Variants in INSL6 observed in about 807,000 individuals in gnomAD.
INSL6 encodes insulin-like peptide INSL6.
In INSL6, 16 loss-of-function variants were observed where a neutral mutation model predicts 9.4. The ratio of observed to expected loss-of-function variants is 1.70; its 90% CI spans 1.15 to 2.59. The LOEUF is 2.59. INSL6 is among the 30% of genes most tolerant of loss of function. INSL6 has a pLI of 0.00. For missense variants in INSL6, 391 were observed against 257.3 expected, an observed-to-expected ratio of 1.52 and a Z score of -3.56; for synonymous variants, 154 against 96.9, an observed-to-expected ratio of 1.59 and a Z score of -3.46.
the INSL6 span, chr9:5,114,864 G>A: frequency 4.4e-6 from 1 of 225,100 alleles, no homozygotes; most frequent in Non-Finnish European, 8.9e-6. Flanking sequence ...GGGAAGGGCT[G>A]GCCAGACCTT....
At chr9:5,050,389 GC>G in the INSL6 span, among the ~76,000 whole-genome samples, 1 of 152,062 alleles carries the variant, frequency 6.6e-6, no homozygotes, top group African/African-American at 2.4e-5. Context: ...TCCTACCTCA[GC>G]CCCCCAAGTA....
intron 2 of INSL6, among the ~76,000 whole-genome samples, chr9:5,145,746 T>C (rs944637112): frequency 6.6e-6 from 1 of 152,224 alleles, no homozygotes; most frequent in Non-Finnish European, 1.5e-5. Context: ...GTTTGGTCTA[T>C]TAATACTTGG....
At chr9:5,101,925 T>G in the INSL6 span, among the ~76,000 whole-genome samples, 5 of 152,082 alleles carry the variant, frequency 3.3e-5, no homozygotes, top group African/African-American at 1.2e-4. Context: ...CAAAAGTAGA[T>G]AAAACCACAA....
chr9:5,169,721 CT>C (rs1825136584), intron 1 of INSL6, among the ~76,000 whole-genome samples: 1 of 152,120 alleles, frequency 6.6e-6, no homozygotes, highest in Non-Finnish European at 1.5e-5. Flanking sequence ...GGTTGCAATC[CT>C]AGTTTCTGAC....
intron 2 of INSL6, among the ~76,000 whole-genome samples, chr9:5,148,005 T>C (rs899647123): frequency 2.0e-5 from 3 of 152,208 alleles, no homozygotes; most frequent in African/African-American, 7.2e-5. Flanking sequence ...TGAGCTTCCT[T>C]GCCATCCAGA....
chr9:5,044,303 G>T, the INSL6 span: 1 of 728,572 alleles, frequency 1.4e-6, no homozygotes, highest in South Asian at 1.6e-5. Context: ...TTCTAAGTAT[G>T]GGATAATACC....
At chr9:5,036,878 A>G in the INSL6 span, among the ~76,000 whole-genome samples, 1 of 152,230 alleles carries the variant, frequency 6.6e-6, no homozygotes. Context: ...TCATTAAACC[A>G]AAGAGCTTCT....
chr9:5,027,287 T>C, the INSL6 span, among the ~76,000 whole-genome samples: 1 of 152,270 alleles, frequency 6.6e-6, no homozygotes, highest in Admixed American at 6.5e-5. Flanking sequence ...CATGAAGTTT[T>C]AGGTTTCCCA....
chr9:4,996,457 A>G, the INSL6 span, among the ~76,000 whole-genome samples: 1 of 152,088 alleles, frequency 6.6e-6, no homozygotes, highest in African/African-American at 2.4e-5. Flanking sequence ...TCAAAAAATA[A>G]ATAAATAAAT....
the INSL6 span, among the ~76,000 whole-genome samples, chr9:5,009,361 C>A: frequency 2.0e-5 from 3 of 152,022 alleles, no homozygotes; most frequent in Non-Finnish European, 4.4e-5. Context: ...ACATCTGATA[C>A]AGAATGGAAA....
chr9:5,140,885 C>T (rs1016503414), intron 2 of INSL6, among the ~76,000 whole-genome samples: 1 of 151,624 alleles, frequency 6.6e-6, no homozygotes, highest in Non-Finnish European at 1.5e-5. Context: ...TAATAGGCCC[C>T]TGTATGTGTT....
At chr9:4,995,484 C>T in the INSL6 span, among the ~76,000 whole-genome samples, 2 of 152,174 alleles carry the variant, frequency 1.3e-5, no homozygotes, top group Admixed American at 6.5e-5. Context: ...AGATGGTTGT[C>T]CAGTTTCAAT....
chr9:5,145,730 T>C (rs1289111449), intron 2 of INSL6, among the ~76,000 whole-genome samples: 1 of 152,228 alleles, frequency 6.6e-6, no homozygotes, highest in Non-Finnish European at 1.5e-5. Context: ...TGAGGTTCTT[T>C]CCTCTGTTTG....
chr9:5,082,720 G>C, the INSL6 span, among the ~76,000 whole-genome samples: 5 of 152,238 alleles, frequency 3.3e-5, no homozygotes, highest in Non-Finnish European at 5.9e-5. Flanking sequence ...GCAGTGCATT[G>C]TGTCCCTGGT....
the INSL6 span, among the ~76,000 whole-genome samples, chr9:5,033,351 C>T: frequency 2.6e-5 from 4 of 152,108 alleles, no homozygotes; most frequent in Non-Finnish European, 5.9e-5. Context: ...CCTAATCTAG[C>T]GAGGCAGGCA....
chr9:5,041,740 C>T, the INSL6 span: 22 of 491,996 alleles, frequency 4.5e-5, no homozygotes, highest in Non-Finnish European at 8.5e-5. Context: ...CCCTTGGCGA[C>T]CCCCATCAGC....
At chr9:5,155,111 G>C (rs1824789802) in intron 2 of INSL6, among the ~76,000 whole-genome samples, 1 of 151,566 alleles carries the variant, frequency 6.6e-6, no homozygotes, top group African/African-American at 2.4e-5. Flanking sequence ...TTAAGAAAAT[G>C]TGGCACATAT....
At chr9:5,025,340 TTC>T in the INSL6 span, among the ~76,000 whole-genome samples, 1 of 152,336 alleles carries the variant, frequency 6.6e-6, no homozygotes, top group East Asian at 1.9e-4. Flanking sequence ...TCTTGGTCTA[TTC>T]TCTGTGATAG....
chr9:5,055,407 A>G, the INSL6 span, among the ~76,000 whole-genome samples: 1 of 151,994 alleles, frequency 6.6e-6, no homozygotes, highest in African/African-American at 2.4e-5. Context: ...AGTGGTTTCT[A>G]CTAATGTTAA....
Sources: allele counts gnomAD v4.1 joint callset (sites outside exome capture counted in the v4.1 genomes callset), GRCh38; gene constraint gnomAD v4.1.1; transcripts MANE v1.5; gene names NCBI Gene and HGNC (gene_info 2026-07-23, HGNC 2026-07-21).